The following MAP3K7 variants were observed in gnomAD, a reference collection of about 807,000 sequenced individuals.
MAP3K7 encodes the protein mitogen-activated protein kinase kinase kinase 7, also known as TGF-beta activated kinase 1.
Under a neutral mutation model 84.8 loss-of-function variants are expected in MAP3K7, and 21 were observed. The observed-to-expected ratio is 0.25, with a 90% CI of 0.18 to 0.36. The LOEUF is 0.36. MAP3K7 is among the 10% of genes least tolerant of loss of function. The pLI is 1.00. For missense variants in MAP3K7, 503 were observed against 747.7 expected (o/e 0.67, Z 3.82); for synonymous variants, 241 against 247.7 (o/e 0.97, Z 0.25).
chr6:90,586,357 C>A lies in MAP3K7; in HGVS notation c.120+407G>T, dbSNP rs34829668. 8.6e-3 allele frequency among the ~76,000 whole-genome samples: 1,032 copies of A among 120,280 alleles called. 12 individuals carry two copies. Among genetic ancestry groups the A allele is most frequent in the Middle Eastern group, 0.039 (7 of 178 alleles). The allele number at this position is 120,280 out of a possible 152,430, so 78.9% of individuals were successfully genotyped here. A position where few individuals can be genotyped will look rare whatever the true frequency, so the allele number is the denominator to read the frequency against. On this transcript the variant is annotated intron_variant, in intron 1 of 16. Transcript: ENST00000369329. Reference sequence around the variant, plus strand: ...ACTGCAGTCCGCAGTCCGGCCTGGGCGACAGAGCGAGACTCCGTCTCAAAA... The same window carrying A: ...ACTGCAGTCCGCAGTCCGGCCTGGGAGACAGAGCGAGACTCCGTCTCAAAA...
intron 1 of MAP3K7, among the ~76,000 whole-genome samples, chr6:90,583,365 GACTC>G (rs1173563843): frequency 1.3e-5 from 2 of 152,200 alleles, no homozygotes; most frequent in South Asian, 2.1e-4. Flanking sequence ...AAGGGCAACT[GACTC>G]ACAAGTGAGA....
At chr6:90,544,504 T>C in intron 12 of MAP3K7, 48 bp downstream of exon 12, 1 of 1,516,532 alleles carries the variant, frequency 6.6e-7, no homozygotes, top group Non-Finnish European at 9.2e-7. Flanking sequence ...CCAGGGATCA[T>C]TATTCCGGTT....
intron 13 of MAP3K7, among the ~76,000 whole-genome samples, chr6:90,525,158 C>G (rs1161190428): frequency 6.6e-6 from 1 of 151,518 alleles, no homozygotes; most frequent in East Asian, 1.9e-4. Flanking sequence ...TTATAAGAGA[C>G]ATATCTAATT....
At chr6:90,579,571 GGCTTATTAA>G (rs1263611043) in intron 1 of MAP3K7, among the ~76,000 whole-genome samples, 1 of 152,110 alleles carries the variant, frequency 6.6e-6, no homozygotes, top group Non-Finnish European at 1.5e-5. Flanking sequence ...GGGTCCTACA[GGCTTATTAA>G]GTTCAATATG....
At chr6:90,543,981 CA>C (rs2127969606) in intron 12 of MAP3K7, among the ~76,000 whole-genome samples, 1 of 152,052 alleles carries the variant, frequency 6.6e-6, no homozygotes, top group South Asian at 2.1e-4. Flanking sequence ...CAGAATTGAC[CA>C]ACTATTTTAC....
chr6:90,530,638 ATATTT>A (rs1775478312), intron 13 of MAP3K7, among the ~76,000 whole-genome samples: 2 of 152,196 alleles, frequency 1.3e-5, no homozygotes, highest in Non-Finnish European at 2.9e-5. Flanking sequence ...ATAAATCTTT[ATATTT>A]TAAGAAATGT....
intron 6 of MAP3K7, among the ~76,000 whole-genome samples, chr6:90,554,587 A>G (rs1776278364): frequency 6.6e-6 from 1 of 152,218 alleles, no homozygotes; most frequent in East Asian, 1.9e-4. Context: ...AATTTGGGCT[A>G]CAGGTTGACT....
At chr6:90,560,609 C>T (rs1347267248) in intron 4 of MAP3K7, among the ~76,000 whole-genome samples, 1 of 152,178 alleles carries the variant, frequency 6.6e-6, no homozygotes, top group Non-Finnish European at 1.5e-5. Context: ...ATCTGCCTGC[C>T]TTGGCCTCCC....
At chr6:90,522,276 T>C (rs1775177596) in intron 14 of MAP3K7, among the ~76,000 whole-genome samples, 1 of 152,092 alleles carries the variant, frequency 6.6e-6, no homozygotes, top group South Asian at 2.1e-4. Context: ...AATGTAGCAG[T>C]TATGTGAGAG....
At chr6:90,535,820 A>C (rs545022488) in intron 13 of MAP3K7, among the ~76,000 whole-genome samples, 2 of 152,288 alleles carry the variant, frequency 1.3e-5, no homozygotes, top group Non-Finnish European at 2.9e-5. Context: ...TCGAGAGTTT[A>C]CACATTTGCT....
At chr6:90,553,656 A>G in intron 6 of MAP3K7, 70 bp from the exon 7 acceptor site, 1 of 1,350,800 alleles carries the variant, frequency 7.4e-7, no homozygotes, top group African/African-American at 1.5e-5. Flanking sequence ...ACAATGGCTT[A>G]AATTTTGAGA....
At chr6:90,586,058 A>G (rs940072201) in intron 1 of MAP3K7, among the ~76,000 whole-genome samples, 2 of 152,242 alleles carry the variant, frequency 1.3e-5, no homozygotes, top group Admixed American at 6.5e-5. Flanking sequence ...GTCGAATATA[A>G]TACAATCTTT....
intron 6 of MAP3K7, 77 bp downstream of exon 6, chr6:90,556,423 G>T: frequency 6.8e-7 from 1 of 1,473,982 alleles, no homozygotes; most frequent in Non-Finnish European, 9.2e-7. Context: ...CATGGAAATG[G>T]GGAAAATCTA....
In MAP3K7 at chr6:90,519,371, C is replaced by T. The variant is rs768193632; in HGVS notation, c.1463-52G>A. On this transcript the variant is annotated intron_variant, in intron 14 of 16. Transcript: ENST00000369329. The stretch of plus-strand genomic sequence containing the variant: ...ATTTTCTGTCACAAATAATTATAAA[C>T]GAACAGCAAGAAAGCATGAATGAAA... 72 of 1,186,426 alleles carry T rather than the reference C, an allele frequency of 6.1e-5. 1 individual carries two copies. In the South Asian group the frequency reaches 7.1e-4, roughly 12 times the overall value. 73.5% of individuals were successfully genotyped at this position (1,186,426 alleles called of 1,614,324 possible).
intron 13 of MAP3K7, among the ~76,000 whole-genome samples, chr6:90,534,289 G>A (rs1218990207): frequency 1.3e-5 from 2 of 152,044 alleles, no homozygotes; most frequent in Admixed American, 1.3e-4. Context: ...AAGATTTAAT[G>A]GTCACTTATC....
At chr6:90,586,679 C>T (rs1456592116) in intron 1 of MAP3K7, 85 bp downstream of exon 1, 2 of 1,504,934 alleles carry the variant, frequency 1.3e-6, no homozygotes, top group East Asian at 2.5e-5. Context: ...AGAGGGGCCC[C>T]GGGAGGCACC....
intron 4 of MAP3K7, 66 bp from the exon 5 acceptor site, chr6:90,560,280 C>T (rs2127978660): frequency 6.5e-7 from 1 of 1,531,680 alleles, no homozygotes; most frequent in South Asian, 1.1e-5. Context: ...AATGTGAATG[C>T]AAGCACTATC....
In MAP3K7 at chr6:90,556,571, G is replaced by A; in HGVS notation, c.536C>T (p.Ala179Val). 1 of 1,613,122 alleles carries A rather than the reference G, an allele frequency of 6.2e-7. No homozygotes were observed. The highest frequency in any genetic ancestry group is 8.5e-7 in the Non-Finnish European group (1 of 1,179,530). ...TVLKICDFGT[A>V]CDIQTHMTNN... ...GGTCATGTGTGTCTGAATGTCACAG[G>A]CTGTACCAAAATCACAAATTTTTAG... The change falls in exon 6 of 17, where the codon GCC becomes GTC. Residue 179 changes from alanine to valine, a missense_variant. By Grantham distance (64) the Ala-to-Val change is moderately conservative. Around this residue, in one of 5 missense-constraint regions of MAP3K7, gnomAD observed 97 missense variants for 270.8 expected, o/e 0.36. Coordinates refer to ENST00000369329, the MANE Select transcript of MAP3K7 (RefSeq NM_145331.3).
At chr6:90,586,645 G>T in intron 1 of MAP3K7, 119 bp downstream of exon 1, 1 of 1,348,718 alleles carries the variant, frequency 7.4e-7, no homozygotes. Flanking sequence ...TCTCCCGGGT[G>T]GACCCCGCAG....
Sources: allele counts gnomAD v4.1 joint callset (sites outside exome capture counted in the v4.1 genomes callset), GRCh38; gene constraint gnomAD v4.1.1; regional missense constraint gnomAD v4.1.1; transcripts MANE v1.5; gene names NCBI Gene and HGNC (gene_info 2026-07-23, HGNC 2026-07-21).